Variants in ANKRD50 observed in about 807,000 individuals in gnomAD.
ANKRD50 encodes the protein ankyrin repeat domain 50.
Under a neutral mutation model 112.0 loss-of-function variants are expected in ANKRD50, and 40 were observed. That is an observed-to-expected ratio of 0.36 (90% CI 0.28 to 0.46). The LOEUF (loss-of-function observed/expected upper bound fraction) is 0.46, where lower values mean the gene tolerates loss of function less well. ANKRD50 is among the 20% of genes least tolerant of loss of function. The pLI, the probability that ANKRD50 is intolerant of heterozygous loss-of-function variation, is 1.00. For missense variants in ANKRD50, 1,487 were observed against 1,701.7 expected (o/e 0.87, Z 2.22); for synonymous variants, 613 against 619.1 (o/e 0.99, Z 0.15).
In ANKRD50 at chr4:124,671,753, G is replaced by A. The variant is rs780481330; in HGVS notation, c.1524C>T (p.Asn508=). The A allele has an allele frequency of 4.3e-6, 7 of 1,613,834 alleles. No individual in the cohort carries two copies. In the East Asian group the frequency reaches 1.6e-4, roughly 36 times the overall value. Residue 508 remains asparagine (N), a synonymous_variant, in exon 4 of 5, where the codon AAC becomes AAT. Transcript: ENST00000504087. ...TGCATGATGTGCGATCGTCTTCACT[G>A]TTGACATGAGCCCCAGCTTTAACCA... ...QLLVKAGAHV[N]SEDDRTSCIV...
rs374095331 is a variant in ANKRD50, at chr4:124,671,522, C to T, written c.1755G>A (p.Ala585=). The T allele has an allele frequency of 2.5e-5, 41 of 1,613,742 alleles. No homozygotes were observed. Among genetic ancestry groups the T allele is most frequent in the South Asian group, 1.4e-4 (13 of 91,082 alleles). ...DAHGHTPLTL[A]ARQGHTKVVN... ...CCACCTTGGTATGTCCCTGTCTAGC[C>T]GCTAGAGTGAGTGGTGTATGTCCAT... Residue 585 remains alanine (A), a synonymous_variant, in exon 4 of 5, where the codon GCG becomes GCA. Transcript: ENST00000504087.
intron 2 of ANKRD50, among the ~76,000 whole-genome samples, chr4:124,699,922 A>AT (rs1725350659): frequency 6.6e-6 from 1 of 152,078 alleles, no homozygotes. Flanking sequence ...CTACTGTATT[A>AT]TAAGCCCTGG....
At chr4:124,696,665 T>C (rs1725259336) in intron 2 of ANKRD50, among the ~76,000 whole-genome samples, 1 of 152,000 alleles carries the variant, frequency 6.6e-6, no homozygotes, top group Non-Finnish European at 1.5e-5. Context: ...AAGAAGCTTT[T>C]CAACAAAAAC....
intron 2 of ANKRD50, among the ~76,000 whole-genome samples, chr4:124,696,005 A>G (rs1047458900): frequency 6.6e-6 from 1 of 152,122 alleles, no homozygotes; most frequent in Non-Finnish European, 1.5e-5. Flanking sequence ...AAATTATTAA[A>G]CAGAAAAAAG....
intron 2 of ANKRD50, among the ~76,000 whole-genome samples, chr4:124,695,912 CTTTGT>C (rs150104753): frequency 0.014 from 2,102 of 152,198 alleles, 46 homozygotes; most frequent in African/African-American, 0.048. Flanking sequence ...GTTGTTGTTA[CTTTGT>C]TTTAATTAGC....
chr4:124,679,248 GA>G (rs372922449), intron 2 of ANKRD50, among the ~76,000 whole-genome samples: 4 of 152,166 alleles, frequency 2.6e-5, no homozygotes, highest in East Asian at 1.9e-4. Context: ...ATTTCCTTAT[GA>G]CAAAGCTAAA....
At chr4:124,667,870 C>T (rs565405029) in intron 4 of ANKRD50, among the ~76,000 whole-genome samples, 37 of 151,710 alleles carry the variant, frequency 2.4e-4, no homozygotes, top group Non-Finnish European at 4.6e-4. Flanking sequence ...ATTTGGTCAC[C>T]CCTAGATTCA....
Position 124,667,221 on chromosome 4 carries a change from A to T in ANKRD50, c.*297T>A, listed in dbSNP as rs1029349798. On this transcript the variant is annotated 3_prime_UTR_variant, in exon 5 of 5. Transcript: ENST00000504087. Reference sequence around the variant, plus strand: ...ATCACATCTTAACTTAAAATACTCAAATTTTCTTTTCAGCTTTTATCAGGG... The same window carrying T: ...ATCACATCTTAACTTAAAATACTCATATTTTCTTTTCAGCTTTTATCAGGG... 3 of 152,034 alleles carry T rather than the reference A, an allele frequency of 2.0e-5. No homozygotes were observed. In the East Asian group the frequency reaches 5.8e-4, roughly 29 times the overall value. 9.4% of individuals were successfully genotyped at this position (152,034 alleles called of 1,614,324 possible).
chr4:124,673,959 A>T (rs1222400753), intron 3 of ANKRD50, among the ~76,000 whole-genome samples: 1 of 152,050 alleles, frequency 6.6e-6, no homozygotes, highest in Non-Finnish European at 1.5e-5. Flanking sequence ...TCAAAAGATA[A>T]ATTTCAATTG....
At chr4:124,678,580 T>C (rs1022718396) in intron 3 of ANKRD50, 96 bp downstream of exon 3, 17 of 1,089,624 alleles carry the variant, frequency 1.6e-5, no homozygotes, top group Middle Eastern at 2.2e-4. Flanking sequence ...AAGGAGCAAA[T>C]GCAACACGCA....
intron 2 of ANKRD50, among the ~76,000 whole-genome samples, chr4:124,708,437 A>G (rs1454750485): frequency 6.6e-6 from 1 of 152,176 alleles, no homozygotes; most frequent in Non-Finnish European, 1.5e-5. Context: ...TAAAGAGTCT[A>G]CAAGAATATC....
chr4:124,708,717 CACAT>C (rs1159332058), intron 2 of ANKRD50, among the ~76,000 whole-genome samples: 31 of 150,138 alleles, frequency 2.1e-4, no homozygotes, highest in East Asian at 4.0e-4. Context: ...CACACACACA[CACAT>C]ACACACACAC....
chr4:124,681,390 TC>T (rs1193425892), intron 2 of ANKRD50, among the ~76,000 whole-genome samples: 14 of 152,252 alleles, frequency 9.2e-5, no homozygotes, highest in African/African-American at 3.1e-4. Context: ...AAGGTCTGGT[TC>T]CAGAACCTAC....
intron 2 of ANKRD50, among the ~76,000 whole-genome samples, chr4:124,701,519 C>T (rs894629894): frequency 1.3e-5 from 2 of 151,930 alleles, no homozygotes; most frequent in South Asian, 2.1e-4. Flanking sequence ...CTATACTTAG[C>T]TAAAATGTGT....
intron 2 of ANKRD50, among the ~76,000 whole-genome samples, 195 bp downstream of exon 2, chr4:124,709,805 A>G (rs757777076): frequency 1.3e-5 from 2 of 152,192 alleles, no homozygotes; most frequent in Non-Finnish European, 2.9e-5. Context: ...TTTAATCCAT[A>G]TGCTGTGCAA....
At chr4:124,705,283 A>C (rs1016840156) in intron 2 of ANKRD50, among the ~76,000 whole-genome samples, 12 of 152,222 alleles carry the variant, frequency 7.9e-5, no homozygotes, top group Non-Finnish European at 1.8e-4. Context: ...CTCTTTTTCA[A>C]ACAAGGCATA....
intron 2 of ANKRD50, among the ~76,000 whole-genome samples, chr4:124,684,148 C>T (rs376975936): frequency 1.1e-4 from 16 of 152,146 alleles, no homozygotes; most frequent in African/African-American, 3.1e-4. Context: ...TCGATGAAAA[C>T]ATTTTTTATG....
intron 2 of ANKRD50, among the ~76,000 whole-genome samples, chr4:124,687,904 G>T (rs933259368): frequency 6.6e-6 from 1 of 152,104 alleles, no homozygotes; most frequent in African/African-American, 2.4e-5. Context: ...CATTTCCAAC[G>T]GTACAACCAC....
rs927279150 is a variant in ANKRD50 at position 124,701,343 on chromosome 4, A to G, written c.512+8657T>C. ...ACTAGTAGATGGAGGTACAAAGAAT[A>G]GAGACAAAAATAGAGACAAATGAAA... On this transcript the variant is annotated intron_variant, in intron 2 of 4. Transcript: ENST00000504087. Among the ~76,000 whole-genome samples, 4 of 152,206 alleles carry G rather than the reference A, an allele frequency of 2.6e-5. No homozygotes were observed. The South Asian group carries it at 8.3e-4, about 32-fold the overall frequency.
Sources: gnomAD v4.1 joint callset for allele counts (sites outside exome capture counted in the v4.1 genomes callset) on GRCh38, gnomAD v4.1.1 for gene constraint, MANE v1.5 for transcripts, NCBI Gene and HGNC (gene_info 2026-07-23, HGNC 2026-07-21) for gene names.